Variants in SLC25A10 observed in about 807,000 individuals in gnomAD.
The protein encoded by SLC25A10 is mitochondrial dicarboxylate carrier.
In SLC25A10, 32 loss-of-function variants were observed where a neutral mutation model predicts 40.4. That is an observed-to-expected ratio of 0.79 (90% CI 0.60 to 1.06). SLC25A10 has a LOEUF of 1.06. Ranked by LOEUF, SLC25A10 falls within the 50% of genes least tolerant of loss-of-function variation. SLC25A10 has a pLI of 0.00. For synonymous variants in SLC25A10, 181 were observed against 171.1 expected (o/e 1.06, Z -0.45); for missense variants, 394 against 402.6 (o/e 0.98, Z 0.18).
At chr17:81,717,725 G>T in intron 8 of SLC25A10, 59 bp from the exon 9 acceptor site, 1 of 1,568,444 alleles carries the variant, frequency 6.4e-7, no homozygotes, top group East Asian at 2.4e-5. Flanking sequence ...ACGTGGGTGG[G>T]ATTCGGCGAT....
At position 81,715,755 on chromosome 17, in the gene SLC25A10, C is replaced by A; in HGVS notation, c.377+14C>A. 1 of 1,613,102 alleles carries A rather than the reference C, an allele frequency of 6.2e-7. No individual in the cohort carries two copies. The highest frequency in any genetic ancestry group is 1.1e-5 in the South Asian group (1 of 91,082). On this transcript the variant is annotated intron_variant, in intron 4 of 10. Coordinates refer to ENST00000350690, the MANE Select transcript of SLC25A10 (RefSeq NM_012140.5). Reference sequence around the variant, plus strand: ...GGTCAACGTCAGGTTGGTGTTCCCCCACCCCACCTGCAAGGCCAGGGGCTT... The same window carrying A: ...GGTCAACGTCAGGTTGGTGTTCCCCAACCCCACCTGCAAGGCCAGGGGCTT...
At chr17:81,716,561 G>A (rs2037490028) in intron 5 of SLC25A10, 1 of 582,812 alleles carries the variant, frequency 1.7e-6, no homozygotes, top group Admixed American at 3.0e-5. Context: ...CAGGAGGCCT[G>A]CATGCTAGGA....
chr17:81,719,966 C>T lies in SLC25A10; in HGVS notation c.763-10C>T. The T allele has an allele frequency of 6.2e-7, 1 of 1,613,806 alleles. No homozygotes were observed. Among genetic ancestry groups the T allele is most frequent in the Non-Finnish European group, 8.5e-7 (1 of 1,180,028 alleles). The stretch of plus-strand genomic sequence containing the variant: ...GCTCTGTGTCTCTCATTTTCCCTGT[C>T]TCCCTCCAGGGCCTCGTCCCAGCTG... On this transcript the variant is annotated splice_polypyrimidine_tract_variant and intron_variant, in intron 10 of 10. Transcript: ENST00000350690.
chr17:81,716,515 A>G (rs1281197048), intron 5 of SLC25A10, among the ~76,000 whole-genome samples: 2 of 152,086 alleles, frequency 1.3e-5, no homozygotes, highest in East Asian at 3.9e-4. Context: ...CTGTGCACAC[A>G]GACTGTGTTC....
intron 6 of SLC25A10, 64 bp downstream of exon 6, chr17:81,716,919 G>A: frequency 6.2e-7 from 1 of 1,605,110 alleles, no homozygotes; most frequent in Non-Finnish European, 8.5e-7. Context: ...CAGCGCTGTA[G>A]AAGACTGGGC....
intron 1 of SLC25A10, chr17:81,713,517 G>A: frequency 1.0e-6 from 1 of 985,192 alleles, no homozygotes; most frequent in African/African-American, 1.7e-5. Flanking sequence ...GTGAGCAGAT[G>A]TGGGCGTCTT....
At chr17:81,717,970 T>A (rs1432935432) in intron 9 of SLC25A10, 109 bp downstream of exon 9, 2 of 781,362 alleles carry the variant, frequency 2.6e-6, no homozygotes, top group Non-Finnish European at 4.3e-6. Context: ...TGTCCCTCCC[T>A]TCTAGTTGCC....
At chr17:81,713,644 A>G (rs8081064) in intron 1 of SLC25A10, 57,705 of 236,356 alleles carry the variant, frequency 0.24, 7,896 homozygotes, top group African/African-American at 0.4. Flanking sequence ...TGGGCAGAAG[A>G]AGCGAGCCCC....
intron 2 of SLC25A10, 75 bp from the exon 3 acceptor site, chr17:81,715,403 C>T (rs2037464325): frequency 2.3e-6 from 3 of 1,320,288 alleles, no homozygotes; most frequent in Non-Finnish European, 3.2e-6. Context: ...GAGGGGGATC[C>T]CTGGCTGGGC....
chr17:81,716,952 C>T, intron 6 of SLC25A10, 50 bp from the exon 7 acceptor site: 1 of 1,608,956 alleles, frequency 6.2e-7, no homozygotes, highest in Middle Eastern at 1.7e-4. Context: ...GGGCCAGGTG[C>T]CTGGCCTCAC....
Position 81,712,376 on chromosome 17 carries a change from G to T in SLC25A10, c.-51G>T, listed in dbSNP as rs550841935. On this transcript the variant is annotated 5_prime_UTR_variant, in exon 1 of 11. Coordinates refer to ENST00000350690, the MANE Select transcript of SLC25A10 (RefSeq NM_012140.5). ...GGCGCTGCGGCCGGTACACGCCGGG[G>T]TAGGGCCGGGGTCGGGTTGTGGTCG... 2.6e-6 allele frequency: 3 copies of T among 1,157,404 alleles called. No homozygotes were observed. The highest frequency in any genetic ancestry group is 7.2e-5 in the South Asian group (2 of 27,664). 71.7% of individuals were successfully genotyped at this position (1,157,404 alleles called of 1,614,324 possible).
Position 81,712,449 on chromosome 17 carries a change from C to T in SLC25A10, c.23C>T (p.Ser8Leu). Residue 8 changes from serine to leucine, a missense_variant, in exon 1 of 11, where the codon TCG becomes TTG. Transcript: ENST00000350690. Reference sequence around the variant, plus strand: ...GCCATGGCAGCCGAGGCGCGCGTGTCGCGCTGGTACTTCGGGGGGCTGGCC... The same window carrying T: ...GCCATGGCAGCCGAGGCGCGCGTGTTGCGCTGGTACTTCGGGGGGCTGGCC... MAAEARV[S>L]RWYFGGLASC... The T allele has an allele frequency of 7.6e-7, 1 of 1,308,712 alleles. No individual in the cohort carries two copies. The highest frequency in any genetic ancestry group is 9.7e-7 in the Non-Finnish European group (1 of 1,030,334). 81.1% of individuals were successfully genotyped at this position (1,308,712 alleles called of 1,614,324 possible). A position where few individuals can be genotyped will look rare whatever the true frequency, so the allele number is the denominator to read the frequency against.
In SLC25A10 at chr17:81,719,871, C is replaced by T; in HGVS notation, c.746C>T (p.Pro249Leu). 1.9e-6 allele frequency: 3 copies of T among 1,613,818 alleles called. No individual in the cohort carries two copies. The highest frequency in any genetic ancestry group is 2.5e-6 in the Non-Finnish European group (3 of 1,180,006). The change falls in exon 10 of 11, where the codon CCT becomes CTT. Residue 249 changes from proline to leucine, a missense_variant. Transcript: ENST00000350690. ...GCCGTGGAGACAGCGAAGCTCGGGC[C>T]TCTGGCCTTTTACAAGGTGCAGTGG... ...HCAVETAKLG[P>L]LAFYKGLVPA...
chr17:81,713,400 G>A, intron 1 of SLC25A10: 2 of 979,674 alleles, frequency 2.0e-6, no homozygotes, highest in Non-Finnish European at 2.4e-6. Context: ...CGCCTGTCTA[G>A]GGGACCTTTA....
Position 81,715,075 on chromosome 17 carries a change from G to A in SLC25A10, c.213+3G>A. 1 of 1,608,990 alleles carries A rather than the reference G, an allele frequency of 6.2e-7. No homozygotes were observed. Among genetic ancestry groups the A allele is most frequent in the Non-Finnish European group, 8.5e-7 (1 of 1,179,502 alleles). On this transcript the variant is annotated splice_donor_region_variant and intron_variant, in intron 2 of 10. Transcript: ENST00000350690. ...TGAGCGCCTCGCTGTGCAGACAGGT[G>A]CGTGGTGTGTGCCAGCCTTGGGCTC...
chr17:81,717,120 ACCT>A, intron 7 of SLC25A10, 48 bp downstream of exon 7: 1 of 1,573,088 alleles, frequency 6.4e-7, no homozygotes, highest in Non-Finnish European at 8.7e-7. Flanking sequence ...GTGACCACTG[ACCT>A]CCATCTTCAG....
chr17:81,715,378 GT>G, intron 2 of SLC25A10, 99 bp from the exon 3 acceptor site: 2 of 1,073,106 alleles, frequency 1.9e-6, no homozygotes, highest in Non-Finnish European at 2.8e-6. Context: ...CAGGGTCCCT[GT>G]GGCCCCTCGG....
intron 1 of SLC25A10, among the ~76,000 whole-genome samples, chr17:81,713,700 G>A (rs940578124): frequency 3.5e-4 from 53 of 152,350 alleles, no homozygotes; most frequent in African/African-American, 1.3e-3. Flanking sequence ...CCGCACAGGT[G>A]CCCCTCCCCC....
At chr17:81,712,904 G>T (rs1294608263) in intron 1 of SLC25A10, among the ~76,000 whole-genome samples, 1 of 152,254 alleles carries the variant, frequency 6.6e-6, no homozygotes, top group Non-Finnish European at 1.5e-5. Flanking sequence ...GGGGAGTTCT[G>T]TGAGGTGCAC....
Sources: allele counts gnomAD v4.1 joint callset (sites outside exome capture counted in the v4.1 genomes callset), GRCh38; gene constraint gnomAD v4.1.1; transcripts MANE v1.5; gene names NCBI Gene and HGNC (gene_info 2026-07-23, HGNC 2026-07-21).